EMX1: variants seen among roughly 807,000 people sequenced by gnomAD.
EMX1 encodes the protein empty spiracles homeobox 1.
In EMX1, 10 loss-of-function variants were observed where a neutral mutation model predicts 20.1. The observed-to-expected ratio is 0.50, with a 90% CI of 0.31 to 0.84. The LOEUF is 0.84. EMX1 is among the 40% of genes least tolerant of loss of function. EMX1 has a pLI of 0.05. For missense variants in EMX1, 424 were observed against 431.9 expected (o/e 0.98, Z 0.16); for synonymous variants, 250 against 200.4 (o/e 1.25, Z -2.09).
chr2:72,920,194 G>A (rs1671075631), intron 1 of EMX1, among the ~76,000 whole-genome samples: 1 of 152,220 alleles, frequency 6.6e-6, no homozygotes, highest in African/African-American at 2.4e-5. Flanking sequence ...GGGGGCGCCT[G>A]GAGAGAAATC....
chr2:72,916,527 G>T, upstream of EMX1: 2 of 602,240 alleles, frequency 3.3e-6, no homozygotes, highest in South Asian at 3.9e-5. Context: ...GGCTCTCACA[G>T]CCTGTCGTGA....
chr2:72,921,623 A>G (rs1015554669), intron 1 of EMX1, among the ~76,000 whole-genome samples: 3 of 152,186 alleles, frequency 2.0e-5, no homozygotes, highest in Non-Finnish European at 4.4e-5. Flanking sequence ...ATTCTTTTGG[A>G]ATCAAATAAC....
At chr2:72,926,985 GC>G (rs1455601391) in intron 2 of EMX1, among the ~76,000 whole-genome samples, 33 of 151,742 alleles carry the variant, frequency 2.2e-4, no homozygotes. Context: ...ACCCCCAACA[GC>G]CCCCCTGCCA....
rs996565448 is a variant in EMX1, at chr2:72,918,803, G to A, written c.520+431G>A. 2.6e-5 allele frequency among the ~76,000 whole-genome samples: 4 copies of A among 152,340 alleles called. No homozygotes were observed. The South Asian group carries it at 8.3e-4, about 32-fold the overall frequency. ...CACCTCCGAGACCTCAGCCTTCGCT[G>A]GCGCGTCCGGGCGGGGGAAAGTCCA... On this transcript the variant is annotated intron_variant, in intron 1 of 2. Coordinates refer to ENST00000258106, the MANE Select transcript of EMX1 (RefSeq NM_004097.3).
At chr2:72,923,996 T>G (rs1671147261) in intron 1 of EMX1, 1 of 500,930 alleles carries the variant, frequency 2.0e-6, no homozygotes, top group East Asian at 3.6e-5. Context: ...CCAGGCATTG[T>G]GAATGTGGGT....
At chr2:72,925,995 C>T in intron 2 of EMX1, 1 of 985,276 alleles carries the variant, frequency 1.0e-6, no homozygotes, top group Non-Finnish European at 1.2e-6. Context: ...TAAAATAACA[C>T]TCCCTTTTCC....
In EMX1 at chr2:72,918,438, G is replaced by A. The variant is rs547306259; in HGVS notation, c.520+66G>A. On this transcript the variant is annotated intron_variant, in intron 1 of 2. Transcript: ENST00000258106. ...GCCCGTGCTGCGGCGATGCGGGGGA[G>A]GCTCGGGGGCGCGCGGGGCTGTTTA... 79 of 1,348,400 alleles carry A rather than the reference G, an allele frequency of 5.9e-5. No homozygotes were observed. The Middle Eastern group carries it at 1.5e-3, about 26-fold the overall frequency. The allele number at this position is 1,348,400 out of a possible 1,614,324, so 83.5% of individuals were successfully genotyped here.
chr2:72,931,192 A>G (rs879765689), intron 2 of EMX1, among the ~76,000 whole-genome samples: 1 of 152,194 alleles, frequency 6.6e-6, no homozygotes, highest in Admixed American at 6.5e-5. Context: ...TGGGTGCCCT[A>G]GGAAGCTGCC....
At position 72,934,351 on chromosome 2, in the gene EMX1, C is replaced by T. The variant is rs138979901; in HGVS notation, c.*397C>T. ...AATAAAAGTCTCTCTCTTAATGACACGGGCATCCAGCTCCAGCCCCAGAGC... is the reference window on the plus strand; with the variant it reads ...AATAAAAGTCTCTCTCTTAATGACATGGGCATCCAGCTCCAGCCCCAGAGC... On this transcript the variant is annotated 3_prime_UTR_variant, in exon 3 of 3. Transcript: ENST00000258106. The T allele has an allele frequency of 4.2e-4, 70 of 165,098 alleles. No homozygotes were observed. The highest frequency in any genetic ancestry group is 3.2e-3 in the East Asian group (18 of 5,660). 10.2% of individuals were successfully genotyped at this position (165,098 alleles called of 1,614,324 possible). A position where few individuals can be genotyped will look rare whatever the true frequency, so the allele number is the denominator to read the frequency against.
chr2:72,916,787 G>A (rs544078619), upstream of EMX1: 92 of 717,376 alleles, frequency 1.3e-4, no homozygotes, highest in African/African-American at 1.4e-3. Flanking sequence ...CCTCAGAGAA[G>A]GCGAGGGGGT....
At chr2:72,920,048 C>T (rs1053792541) in intron 1 of EMX1, among the ~76,000 whole-genome samples, 1 of 152,052 alleles carries the variant, frequency 6.6e-6, no homozygotes, top group Non-Finnish European at 1.5e-5. Context: ...GAGGAGAGGG[C>T]GGGGTCGTTC....
chr2:72,927,242 A>G (rs1253687012), intron 2 of EMX1, among the ~76,000 whole-genome samples: 1 of 152,200 alleles, frequency 6.6e-6, no homozygotes, highest in East Asian at 1.9e-4. Context: ...ATTCATCTCA[A>G]ACTTCATCTC....
intron 1 of EMX1, 63 bp downstream of exon 1, chr2:72,918,435 G>T (rs1438797664): frequency 1.5e-6 from 2 of 1,348,800 alleles, no homozygotes; most frequent in African/African-American, 3.1e-5. Context: ...GCGATGCGGG[G>T]GAGGCTCGGG....
chr2:72,916,543 G>T, upstream of EMX1: 1 of 611,198 alleles, frequency 1.6e-6, no homozygotes, highest in Non-Finnish European at 2.9e-6. Flanking sequence ...CGTGAGAACT[G>T]CCCCCGGGGA....
upstream of EMX1, chr2:72,916,760 C>T: frequency 1.4e-6 from 1 of 717,410 alleles, no homozygotes; most frequent in Non-Finnish European, 2.6e-6. Context: ...GGCCCGCCGA[C>T]ACTTGAGCCC....
At position 72,924,382 on chromosome 2, in the gene EMX1, C is replaced by T. The variant is rs1671157853; in HGVS notation, c.594C>T (p.Ala198=). 3.1e-6 allele frequency: 5 copies of T among 1,594,014 alleles called. No homozygotes were observed. The South Asian group carries it at 3.4e-5, about 11-fold the overall frequency. ...GCAAGCCCAAGCGGATCCGCACGGC[C>T]TTCTCGCCCTCGCAGCTGCTGCGGC... ...FARKPKRIRT[A]FSPSQLLRLE... Residue 198 remains alanine (A), a synonymous_variant, in exon 2 of 3, where the codon GCC becomes GCT. Coordinates refer to ENST00000258106, the MANE Select transcript of EMX1 (RefSeq NM_004097.3).
Position 72,934,025 on chromosome 2 carries a change from C to A in EMX1, c.*71C>A. The A allele has an allele frequency of 1.3e-6, 2 of 1,581,692 alleles. No individual in the cohort carries two copies. Among genetic ancestry groups the A allele is most frequent in the South Asian group, 2.3e-5 (2 of 86,368 alleles). On this transcript the variant is annotated 3_prime_UTR_variant, in exon 3 of 3. Transcript: ENST00000258106. ...GGCCAGGCCCCTGCGTGGGCCCAAG[C>A]TGGACTCTGGCCACTCCCTGGCCAG...
chr2:72,917,947 C>T lies in EMX1; in HGVS notation c.95C>T (p.Ala32Val). 6.7e-7 allele frequency: 1 copy of T among 1,486,312 alleles called. No homozygotes were observed. Among genetic ancestry groups the T allele is most frequent in the Non-Finnish European group, 8.9e-7 (1 of 1,126,028 alleles). The allele number at this position is 1,486,312 out of a possible 1,614,324, so 92.1% of individuals were successfully genotyped here. ...CTGCCTCGCACAGCTCCCGCGGCTGCGACCATGTTCCAGCCCGCGGCCAAG... is the reference window on the plus strand; with the variant it reads ...CTGCCTCGCACAGCTCCCGCGGCTGTGACCATGTTCCAGCCCGCGGCCAAG... ...ARLPRTAPAAATMFQPAAKRG... is the reference protein window; with the variant it reads ...ARLPRTAPAAVTMFQPAAKRG... The change falls in exon 1 of 3, where the codon GCG (alanine) becomes GTG (valine). Residue 32 changes from alanine (A) to valine (V), a missense_variant. By Grantham distance (64) the Ala-to-Val change is moderately conservative. Around this residue, in one of 2 missense-constraint regions of EMX1, gnomAD observed 333 missense variants for 296.6 expected, o/e 1.12. Coordinates refer to ENST00000258106, the MANE Select transcript of EMX1 (RefSeq NM_004097.3).
chr2:72,925,589 C>T (rs1345746153), intron 2 of EMX1: 1 of 1,280,448 alleles, frequency 7.8e-7, no homozygotes. Flanking sequence ...TTTCACCTTC[C>T]GCTCCCCTTT....
Sources: gnomAD v4.1 joint callset for allele counts (sites outside exome capture counted in the v4.1 genomes callset) on GRCh38, gnomAD v4.1.1 for gene constraint, gnomAD v4.1.1 regional missense constraint, MANE v1.5 for transcripts, NCBI Gene and HGNC (gene_info 2026-07-23, HGNC 2026-07-21) for gene names.